The following KCNJ15 variants were observed in gnomAD, a reference collection of about 807,000 sequenced individuals.
The protein encoded by KCNJ15 is ATP-sensitive inward rectifier potassium channel 15.
In KCNJ15, 14 loss-of-function variants were observed where a neutral mutation model predicts 23.0. The ratio of observed to expected loss-of-function variants is 0.61; its 90% CI spans 0.40 to 0.95. The LOEUF is 0.95. KCNJ15 is among the 40% of genes least tolerant of loss of function. KCNJ15 has a pLI of 0.00. For missense variants in KCNJ15, 388 were observed against 461.8 expected (o/e 0.84, Z 1.46); for synonymous variants, 185 against 183.2 (o/e 1.01, Z -0.08).
chr21:38,291,755 C>T (rs1984629865), intron 1 of KCNJ15: 1 of 152,078 alleles, frequency 6.6e-6, no homozygotes, highest in South Asian at 2.1e-4. Context: ...GAGGTAGGAC[C>T]CAGTCATTTG....
At chr21:38,230,857 G>C (rs1988715268) in intron 1 of KCNJ15, among the ~76,000 whole-genome samples, 1 of 152,014 alleles carries the variant, frequency 6.6e-6, no homozygotes, top group South Asian at 2.1e-4. Flanking sequence ...ATCAGTGTGA[G>C]ATCTTCAATT....
chr21:38,271,794 T>A lies in KCNJ15; in HGVS notation c.-117+14609T>A, dbSNP rs1435078470. 2.0e-5 allele frequency among the ~76,000 whole-genome samples: 3 copies of A among 152,130 alleles called. No homozygotes were observed. The East Asian group carries it at 5.8e-4, about 29-fold the overall frequency. On this transcript the variant is annotated intron_variant, in intron 1 of 2. Transcript: ENST00000398938. ...TGCAGAAGGTCACTATAGGAACACA[T>A]GGCACAGGGAAGAAAACGCCCATAG...
At position 38,289,105 on chromosome 21, in the gene KCNJ15, G is replaced by A. The variant is rs139945790; in HGVS notation, c.-116-7821G>A. 3.3e-3 allele frequency among the ~76,000 whole-genome samples: 486 copies of A among 148,736 alleles called. 5 individuals are homozygous for A. The highest frequency in any genetic ancestry group is 0.012 in the African/African-American group (461 of 39,748). On this transcript the variant is annotated intron_variant, in intron 1 of 2. Transcript: ENST00000398938. Reference sequence around the variant, plus strand: ...CCAGCTCCTCGGGAGGTTGAGGCACGAGAATCATTTGAACCCAGGAGGCTG... The same window carrying A: ...CCAGCTCCTCGGGAGGTTGAGGCACAAGAATCATTTGAACCCAGGAGGCTG...
Position 38,300,174 on chromosome 21 carries a change from A to G in KCNJ15, c.913A>G (p.Ile305Val), listed in dbSNP as rs746781780. ...CCGAACATCTTATATCCCAGAGGAA[A>G]TCTACTGGGGTTTTGAGTTTGTGCC... ...QSRTSYIPEE[I>V]YWGFEFVPVV... The change falls in exon 3 of 3, where the codon ATC (isoleucine) becomes GTC (valine). Residue 305 changes from isoleucine (I) to valine (V), a missense_variant. By Grantham distance (29) the Ile-to-Val change is conservative (BLOSUM62 3). Transcript: ENST00000398938. The G allele has an allele frequency of 6.2e-7, 1 of 1,614,032 alleles. No individual in the cohort carries two copies. The highest frequency in any genetic ancestry group is 1.1e-5 in the South Asian group (1 of 91,068).
At chr21:38,243,611 G>A (rs990493360) in intron 1 of KCNJ15, among the ~76,000 whole-genome samples, 4 of 152,104 alleles carry the variant, frequency 2.6e-5, no homozygotes, top group Admixed American at 6.6e-5. Flanking sequence ...TAGTAAAGAC[G>A]GGGTTTTGTC....
At position 38,299,864 on chromosome 21, in the gene KCNJ15, T is replaced by C. The variant is rs749156779; in HGVS notation, c.603T>C (p.Asn201=). Reference sequence around the variant, plus strand: ...TGTGCTTGGTGATTCAGGTAGCCAATATGAGGAAGAGCCTCTTGATTCAGT... The same window carrying C: ...TGTGCTTGGTGATTCAGGTAGCCAACATGAGGAAGAGCCTCTTGATTCAGT... The part of the protein sequence containing the change: ...GKLCLVIQVA[N]MRKSLLIQCQ... Residue 201 remains asparagine, a synonymous_variant, in exon 3 of 3, where the codon AAT becomes AAC. Coordinates refer to ENST00000398938, the MANE Select transcript of KCNJ15 (RefSeq NM_170736.3). This position sits in a 1 kb window ranked among gnomAD's most constrained non-coding sequence, Gnocchi z 4.5. 2.2e-5 allele frequency: 35 copies of C among 1,613,934 alleles called. No homozygotes were observed. In the Admixed American group the frequency reaches 5.7e-4, roughly 26 times the overall value.
At chr21:38,275,519 CAAAAAAA>C (rs10709944) in intron 1 of KCNJ15, among the ~76,000 whole-genome samples, 2 of 88,116 alleles carry the variant, frequency 2.3e-5, no homozygotes, top group Non-Finnish European at 4.2e-5. Context: ...GAAACTCCGT[CAAAAAAA>C]AAAAAAAAAA....
intron 1 of KCNJ15, among the ~76,000 whole-genome samples, chr21:38,248,899 C>T (rs191507393): frequency 5.3e-4 from 81 of 152,076 alleles, no homozygotes; most frequent in Admixed American, 3.4e-3. Flanking sequence ...CCATGCCTTC[C>T]CTTCTCCAAA....
intron 1 of KCNJ15, among the ~76,000 whole-genome samples, chr21:38,286,483 C>T (rs1267166393): frequency 6.6e-6 from 1 of 152,140 alleles, no homozygotes; most frequent in Non-Finnish European, 1.5e-5. Flanking sequence ...ATGTAATGTT[C>T]ATTACTAACA....
chr21:38,284,904 A>G (rs74924958), intron 1 of KCNJ15, among the ~76,000 whole-genome samples: 2,503 of 152,236 alleles, frequency 0.016, 82 homozygotes, highest in African/African-American at 0.058. Context: ...CTTCCCACAA[A>G]TGTCTTTAAA....
upstream of KCNJ15, among the ~76,000 whole-genome samples, chr21:38,256,321 T>C (rs1168102059): frequency 6.8e-6 from 1 of 146,012 alleles, no homozygotes; most frequent in Non-Finnish European, 1.5e-5. Context: ...CCAATTTCCA[T>C]GATCCAGAAG....
intron 1 of KCNJ15, among the ~76,000 whole-genome samples, chr21:38,292,830 G>A (rs374603679): frequency 2.6e-5 from 4 of 151,996 alleles, no homozygotes; most frequent in East Asian, 1.9e-4. Context: ...TTAGCCAGGC[G>A]TAATGGCGGG....
intron 1 of KCNJ15, among the ~76,000 whole-genome samples, chr21:38,250,289 A>C (rs1979735197): frequency 6.6e-6 from 1 of 152,196 alleles, no homozygotes; most frequent in Non-Finnish European, 1.5e-5. Flanking sequence ...ATTAGTGCAG[A>C]ATCAGGGTTT....
chr21:38,291,851 C>T (rs1424070697), intron 1 of KCNJ15: 1 of 152,332 alleles, frequency 6.6e-6, no homozygotes, highest in Admixed American at 6.5e-5. Flanking sequence ...ACTATGGATT[C>T]CAACATACCT....
intron 1 of KCNJ15, chr21:38,272,181 T>G (rs1456634162): frequency 6.6e-6 from 1 of 152,186 alleles, no homozygotes; most frequent in Middle Eastern, 3.2e-3. Flanking sequence ...TTGGCAGTTT[T>G]TGTTGTCAAA....
chr21:38,282,323 C>T (rs1237331212), intron 1 of KCNJ15, among the ~76,000 whole-genome samples: 2 of 152,118 alleles, frequency 1.3e-5, no homozygotes, highest in Admixed American at 6.5e-5. Flanking sequence ...AATCTTAGAA[C>T]TCTTTGTCTA....
intron 1 of KCNJ15, among the ~76,000 whole-genome samples, chr21:38,264,001 A>G (rs1349744672): frequency 6.6e-6 from 1 of 152,160 alleles, no homozygotes; most frequent in Non-Finnish European, 1.5e-5. Flanking sequence ...CATAAATTTG[A>G]ACTATTTTTA....
intron 2 of KCNJ15, among the ~76,000 whole-genome samples, chr21:38,297,915 T>G (rs557699473): frequency 1.3e-5 from 2 of 152,354 alleles, no homozygotes; most frequent in East Asian, 3.9e-4. Flanking sequence ...AGGTGTTTGC[T>G]GCTAATGGAT....
intron 1 of KCNJ15, among the ~76,000 whole-genome samples, chr21:38,288,415 G>A (rs903841568): frequency 1.5e-4 from 23 of 152,066 alleles, no homozygotes; most frequent in Non-Finnish European, 3.2e-4. Flanking sequence ...TAACTAATAT[G>A]AATGCCAATG....
Sources: gnomAD v4.1 joint callset for allele counts (sites outside exome capture counted in the v4.1 genomes callset) on GRCh38, gnomAD v4.1.1 for gene constraint, Gnocchi (gnomAD v3.1) non-coding constraint, MANE v1.5 for transcripts, NCBI Gene and HGNC (gene_info 2026-07-23, HGNC 2026-07-21) for gene names.